The following LARS2 variants were observed in gnomAD, a reference collection of about 807,000 sequenced individuals.
LARS2 encodes the protein leucyl-tRNA synthetase 2, mitochondrial.
A neutral mutation model predicts 116.6 loss-of-function variants in LARS2; 81 were observed. That is an observed-to-expected ratio of 0.69 (90% CI 0.58 to 0.84). The LOEUF (loss-of-function observed/expected upper bound fraction) is 0.84, where lower values mean the gene tolerates loss of function less well. Ranked by LOEUF, LARS2 falls within the 40% of genes least tolerant of loss-of-function variation. LARS2 has a pLI of 0.00. For missense variants in LARS2, 968 were observed against 1,114.5 expected (o/e 0.87, Z 1.87); for synonymous variants, 396 against 407.2 (o/e 0.97, Z 0.33).
chr3:45,539,073 A>G (rs1700752365), intron 20 of LARS2, among the ~76,000 whole-genome samples: 2 of 152,244 alleles, frequency 1.3e-5, no homozygotes, highest in Admixed American at 1.3e-4. Context: ...TCACAAACCA[A>G]TAGGGAAGGG....
chr3:45,483,051 A>G (rs956211094), intron 10 of LARS2, among the ~76,000 whole-genome samples: 3 of 152,196 alleles, frequency 2.0e-5, no homozygotes, highest in African/African-American at 4.8e-5. Context: ...GGGAGGCTGA[A>G]CAGTGCTTTC....
At chr3:45,543,463 ATT>A (rs774896406) in intron 21 of LARS2, among the ~76,000 whole-genome samples, 5,323 of 138,506 alleles carry the variant, frequency 0.038, 100 homozygotes, top group Middle Eastern at 0.083. Context: ...TTTTTTTTTT[ATT>A]TTTTTATTTT....
intron 2 of LARS2, among the ~76,000 whole-genome samples, chr3:45,391,993 AAGTGG>A (rs1697961147): frequency 6.6e-6 from 1 of 152,168 alleles, no homozygotes; most frequent in Non-Finnish European, 1.5e-5. Context: ...TCTAGGAGAG[AAGTGG>A]CAAGCATCCA....
At chr3:45,513,662 A>G (rs553870396) in intron 16 of LARS2, among the ~76,000 whole-genome samples, 1 of 152,156 alleles carries the variant, frequency 6.6e-6, no homozygotes, top group South Asian at 2.1e-4. Context: ...GGGGGGCAGC[A>G]CTCGGTTTAC....
rs1308542565 is a variant in LARS2 at position 45,394,512 on chromosome 3, A to G, written c.59A>G (p.Asn20Ser). The change falls in exon 3 of 22, where the codon AAT becomes AGT. Residue 20 changes from asparagine to serine, a missense_variant. Coordinates refer to ENST00000645846, the MANE Select transcript of LARS2 (RefSeq NM_015340.4). ...GCCTCTCTTCTGAAAAGACAGCTAA[A>G]TGGTGGGCCAGATGTCATCAAGTGG... ...FYASLLKRQL[N>S]GGPDVIKWER... 1 of 1,614,176 alleles carries G rather than the reference A, an allele frequency of 6.2e-7. No individual in the cohort carries two copies. Among genetic ancestry groups the G allele is most frequent in the African/African-American group, 1.3e-5 (1 of 75,042 alleles).
intron 6 of LARS2, among the ~76,000 whole-genome samples, chr3:45,425,904 TTTCTTTTC>T (rs1698587105): frequency 9.1e-6 from 1 of 110,342 alleles, no homozygotes; most frequent in Admixed American, 1.1e-4. Flanking sequence ...CCTTTTTTTT[TTTCTTTTC>T]TTTTCTTTTC....
rs765956211 is a variant in LARS2, at chr3:45,541,945, A to T, written c.2521A>T (p.Met841Leu). The change falls in exon 21 of 22, where the codon ATG becomes TTG. Residue 841 changes from methionine to leucine, a missense_variant. Transcript: ENST00000645846. ...CCTGCAGCAGCCTGAGGTTGTCCAG[A>T]TGGCAGTTCTGGTAAGTATCTCCCC... Reference protein sequence around the residue: ...EFLQQPEVVQMAVLINNKACG... With the variant: ...EFLQQPEVVQLAVLINNKACG... The T allele has an allele frequency of 1.2e-6, 2 of 1,614,170 alleles. No individual in the cohort carries two copies. The highest frequency in any genetic ancestry group is 1.7e-6 in the Non-Finnish European group (2 of 1,180,016).
intron 3 of LARS2, 81 bp from the exon 4 acceptor site, chr3:45,400,164 G>T: frequency 8.2e-7 from 1 of 1,224,314 alleles, no homozygotes; most frequent in Non-Finnish European, 1.1e-6. Context: ...TTATTACTTT[G>T]TGTAAAATGC....
intron 15 of LARS2, among the ~76,000 whole-genome samples, chr3:45,507,240 A>G (rs1376104022): frequency 6.6e-6 from 1 of 151,630 alleles, no homozygotes; most frequent in Non-Finnish European, 1.5e-5. Context: ...CTATGATTTT[A>G]AAAAAAAAAA....
chr3:45,459,065 G>A (rs1489132089), intron 8 of LARS2, among the ~76,000 whole-genome samples, 179 bp downstream of exon 8: 1 of 152,136 alleles, frequency 6.6e-6, no homozygotes, highest in African/African-American at 2.4e-5. Flanking sequence ...TGATGGGCTG[G>A]TATCTTCAAC....
At chr3:45,446,102 G>A (rs1165229067) in intron 6 of LARS2, among the ~76,000 whole-genome samples, 2 of 152,210 alleles carry the variant, frequency 1.3e-5, no homozygotes, top group East Asian at 1.9e-4. Flanking sequence ...TGTTACAAAC[G>A]GAGTCATTTG....
Position 45,541,894 on chromosome 3 carries a change from G to A in LARS2, c.2470G>A (p.Ala824Thr). The part of the protein sequence containing the change: ...YTWDASVLLQ[A>T]WPAVDPEFLQ... The stretch of plus-strand genomic sequence containing the variant: ...TTGGGATGCCAGTGTGCTGCTCCAG[G>A]CATGGCCTGCTGTGGACCCGGAGTT... Residue 824 changes from alanine (A) to threonine (T), a missense_variant, in exon 21 of 22, where the codon GCA becomes ACA. Ala to Thr is a moderately conservative substitution (Grantham distance 58). Transcript: ENST00000645846. 1.2e-6 allele frequency: 2 copies of A among 1,614,254 alleles called. No homozygotes were observed. Among genetic ancestry groups the A allele is most frequent in the African/African-American group, 1.3e-5 (1 of 75,080 alleles).
chr3:45,456,716 C>T (rs1699218434), intron 7 of LARS2, among the ~76,000 whole-genome samples: 1 of 152,172 alleles, frequency 6.6e-6, no homozygotes, highest in Non-Finnish European at 1.5e-5. Context: ...CATATTTTGT[C>T]TCTATGTGCT....
At chr3:45,398,525 A>G (rs983008603) in intron 3 of LARS2, among the ~76,000 whole-genome samples, 3 of 152,236 alleles carry the variant, frequency 2.0e-5, no homozygotes, top group African/African-American at 7.2e-5. Context: ...GAAAAAACAG[A>G]AGGCAGAAAT....
Position 45,462,162 on chromosome 3 carries a change from A to C in LARS2, c.750+3276A>C, listed in dbSNP as rs1159781928. Among the ~76,000 whole-genome samples the C allele has an allele frequency of 2.0e-5, 3 of 152,192 alleles. No individual in the cohort carries two copies. The East Asian group carries it at 5.8e-4, about 29-fold the overall frequency. ...TGGGAAATTACTGTACCCACATAACAGGCTGCCAAGACTGAACTGGGATAG... is the reference window on the plus strand; with the variant it reads ...TGGGAAATTACTGTACCCACATAACCGGCTGCCAAGACTGAACTGGGATAG... On this transcript the variant is annotated intron_variant, in intron 8 of 21. Transcript: ENST00000645846.
chr3:45,482,732 T>C (rs1451583745), intron 10 of LARS2, among the ~76,000 whole-genome samples: 1 of 152,212 alleles, frequency 6.6e-6, no homozygotes, highest in East Asian at 1.9e-4. Context: ...TATATGTTTC[T>C]TAGGATACAA....
chr3:45,537,158 T>C (rs77453700), intron 20 of LARS2, among the ~76,000 whole-genome samples: 1 of 152,186 alleles, frequency 6.6e-6, no homozygotes, highest in African/African-American at 2.4e-5. Flanking sequence ...GCCATTTTTA[T>C]AGTTCTGTGT....
chr3:45,528,332 G>A (rs1381712627), intron 20 of LARS2, among the ~76,000 whole-genome samples: 1 of 152,300 alleles, frequency 6.6e-6, no homozygotes, highest in East Asian at 1.9e-4. Context: ...GCAAGAGCCT[G>A]TCTCACAAAA....
chr3:45,540,790 A>ATCTG (rs1700783026), intron 20 of LARS2, among the ~76,000 whole-genome samples: 2 of 151,000 alleles, frequency 1.3e-5, no homozygotes, highest in Admixed American at 1.3e-4. Flanking sequence ...CTATCTATCT[A>ATCTG]TCTATCTATC....
Sources: allele counts gnomAD v4.1 joint callset (sites outside exome capture counted in the v4.1 genomes callset), GRCh38; gene constraint gnomAD v4.1.1; transcripts MANE v1.5; gene names NCBI Gene and HGNC (gene_info 2026-07-23, HGNC 2026-07-21).